The following PDZD2 variants were observed in gnomAD, a reference collection of about 807,000 sequenced individuals.
PDZD2 encodes the protein PDZ domain containing 2, also known as PDZ domain-containing protein 2.
A neutral mutation model predicts 220.7 loss-of-function variants in PDZD2; 90 were observed. That is an observed-to-expected ratio of 0.41 (90% CI 0.34 to 0.49). PDZD2 has a LOEUF of 0.49. Among genes scored for constraint, PDZD2 ranks in the 20% least tolerant of loss-of-function variants. The pLI, the probability that PDZD2 is intolerant of heterozygous loss-of-function variation, is 0.28. For synonymous variants in PDZD2, 1,375 were observed against 1,450.5 expected (o/e 0.95, Z 1.18); for missense variants, 3,174 against 3,608.5 (o/e 0.88, Z 3.08).
intron 3 of PDZD2, among the ~76,000 whole-genome samples, chr5:31,991,428 G>A (rs1013883459): frequency 6.6e-6 from 1 of 152,182 alleles, no homozygotes; most frequent in Admixed American, 6.6e-5. Context: ...AGATTAAACA[G>A]AAGGAATCAA....
At chr5:32,047,419 GAGA>G (rs1245994852) in intron 7 of PDZD2, among the ~76,000 whole-genome samples, 2 of 152,142 alleles carry the variant, frequency 1.3e-5, no homozygotes, top group Non-Finnish European at 2.9e-5. Flanking sequence ...TGACATGTGA[GAGA>G]ATATTTAGTA....
At chr5:32,037,766 A>G (rs930799481) in intron 7 of PDZD2, among the ~76,000 whole-genome samples, 1 of 152,152 alleles carries the variant, frequency 6.6e-6, no homozygotes, top group Admixed American at 6.6e-5. Flanking sequence ...GCCTGGGCCC[A>G]GAGAGAGAAA....
intron 1 of PDZD2, among the ~76,000 whole-genome samples, chr5:31,727,488 C>CGAGGTCAGGAGATGCGAGACCGTCTTGG: frequency 6.6e-6 from 1 of 151,638 alleles, no homozygotes; most frequent in East Asian, 1.9e-4. Flanking sequence ...GGGCGCATCA[C>CGAGGTCAGGAGATGCGAGACCGTCTTGG]CTGAGTTGAG....
chr5:32,093,749 G>A (rs1039777475), intron 21 of PDZD2, among the ~76,000 whole-genome samples: 2 of 152,110 alleles, frequency 1.3e-5, no homozygotes, highest in Non-Finnish European at 2.9e-5. Context: ...AGGCCAAGGC[G>A]GGCAGATCAC....
At chr5:31,857,037 G>A (rs975114975) in intron 2 of PDZD2, among the ~76,000 whole-genome samples, 10 of 151,890 alleles carry the variant, frequency 6.6e-5, no homozygotes, top group Admixed American at 5.3e-4. Flanking sequence ...TTCTAGAGGC[G>A]TGGTCTTGTT....
At chr5:31,775,284 T>TAG (rs1554073284) in intron 1 of PDZD2, among the ~76,000 whole-genome samples, 1 of 150,734 alleles carries the variant, frequency 6.6e-6, no homozygotes, top group African/African-American at 2.4e-5. Context: ...CTTGTCTGAG[T>TAG]GGGGAGTGGA....
chr5:31,730,529 T>G (rs868159975), intron 1 of PDZD2, among the ~76,000 whole-genome samples: 8 of 151,022 alleles, frequency 5.3e-5, no homozygotes, highest in Non-Finnish European at 1.0e-4. Flanking sequence ...AAATAAATAC[T>G]CCAGGAAACC....
At chr5:31,689,353 A>ATATATATATATATATATT in intron 1 of PDZD2, among the ~76,000 whole-genome samples, 1 of 35,122 alleles carries the variant, frequency 2.8e-5, no homozygotes, top group Non-Finnish European at 4.2e-5. Flanking sequence ...ATATATATAT[A>ATATATATATATATATATT]TTTTTTTTTT....
At chr5:31,653,387 C>G (rs1228647573) in intron 1 of PDZD2, among the ~76,000 whole-genome samples, 1 of 151,872 alleles carries the variant, frequency 6.6e-6, no homozygotes, top group African/African-American at 2.4e-5. Context: ...AGATTAGCAT[C>G]AGATTGGCAC....
chr5:31,880,594 C>G (rs1466906198), intron 2 of PDZD2, among the ~76,000 whole-genome samples: 1 of 152,056 alleles, frequency 6.6e-6, no homozygotes, highest in Admixed American at 6.6e-5. Context: ...GGCTGTTGGG[C>G]ATTCATAGCT....
chr5:31,958,511 C>G (rs1747933167), intron 2 of PDZD2, among the ~76,000 whole-genome samples: 1 of 152,028 alleles, frequency 6.6e-6, no homozygotes, highest in Non-Finnish European at 1.5e-5. Context: ...GCCTCAGCCT[C>G]CCCAAAGTGC....
chr5:31,785,796 G>A lies in PDZD2; in HGVS notation c.-360-13093G>A, dbSNP rs1265106009. Among the ~76,000 whole-genome samples the A allele has an allele frequency of 6.6e-5, 10 of 152,098 alleles. 1 individual carries two copies. Among genetic ancestry groups the A allele is most frequent in the Middle Eastern group, 3.4e-3 (1 of 294 alleles). ...CTACCACAGCAGGATCTAGAGTGAC[G>A]GTGGATCCAACCTCATCATTTCCCC... On this transcript the variant is annotated intron_variant, in intron 1 of 24. Coordinates refer to ENST00000438447, the MANE Select transcript of PDZD2 (RefSeq NM_178140.4).
chr5:31,947,438 T>A (rs1746746705), intron 2 of PDZD2, among the ~76,000 whole-genome samples: 1 of 152,192 alleles, frequency 6.6e-6, no homozygotes, highest in South Asian at 2.1e-4. Flanking sequence ...GTGCCCCGCC[T>A]CTTCAGTAAA....
rs968228637 is a variant in PDZD2, at chr5:31,816,115, T to C, written c.476+16391T>C. Among the ~76,000 whole-genome samples, 4 of 151,900 alleles carry C rather than the reference T, an allele frequency of 2.6e-5. No homozygotes were observed. The East Asian group carries it at 7.8e-4, about 29-fold the overall frequency. On this transcript the variant is annotated intron_variant, in intron 2 of 24. Coordinates refer to ENST00000438447, the MANE Select transcript of PDZD2 (RefSeq NM_178140.4). ...CATCCTGGCTAACACAGTGAAACCCTGTCTCTACTAAAAATACAAAAAATT... is the reference window on the plus strand; with the variant it reads ...CATCCTGGCTAACACAGTGAAACCCCGTCTCTACTAAAAATACAAAAAATT...
At chr5:31,785,163 C>T (rs970574616) in intron 1 of PDZD2, among the ~76,000 whole-genome samples, 1 of 151,920 alleles carries the variant, frequency 6.6e-6, no homozygotes, top group Non-Finnish European at 1.5e-5. Context: ...ATTGTCTTTC[C>T]AATTGAAAAT....
chr5:31,859,220 C>T (rs1459014152), intron 2 of PDZD2, among the ~76,000 whole-genome samples: 1 of 152,166 alleles, frequency 6.6e-6, no homozygotes, highest in Non-Finnish European at 1.5e-5. Context: ...TTCAGAGAGA[C>T]TGATTTGAGT....
At chr5:31,821,535 C>T (rs1207392249) in intron 2 of PDZD2, among the ~76,000 whole-genome samples, 2 of 152,092 alleles carry the variant, frequency 1.3e-5, no homozygotes, top group African/African-American at 4.8e-5. Flanking sequence ...CGTGCACCAC[C>T]ACACTCAGCT....
chr5:31,813,119 C>T (rs1014681499), intron 2 of PDZD2, among the ~76,000 whole-genome samples: 14 of 152,128 alleles, frequency 9.2e-5, no homozygotes, highest in African/African-American at 1.9e-4. Context: ...TAATACTTGA[C>T]GACATCAGAC....
intron 2 of PDZD2, among the ~76,000 whole-genome samples, chr5:31,898,597 G>A (rs148988499): frequency 1.1e-3 from 161 of 152,286 alleles, no homozygotes; most frequent in African/African-American, 3.9e-3. Flanking sequence ...ACTGGTGTGC[G>A]TTGTTTGGTG....
Sources: gnomAD v4.1 joint callset for allele counts (sites outside exome capture counted in the v4.1 genomes callset) on GRCh38, gnomAD v4.1.1 for gene constraint, MANE v1.5 for transcripts, NCBI Gene and HGNC (gene_info 2026-07-23, HGNC 2026-07-21) for gene names.